IL1RAPL1: variants seen among roughly 807,000 people sequenced by gnomAD.
IL1RAPL1 encodes the protein interleukin-1 receptor accessory protein-like 1.
Under a neutral mutation model 48.4 loss-of-function variants are expected in IL1RAPL1, and 3 were observed. That is an observed-to-expected ratio of 0.06 (90% confidence interval 0.03 to 0.16). IL1RAPL1 has a LOEUF of 0.16. Among genes scored for constraint, IL1RAPL1 ranks in the 10% least tolerant of loss-of-function variants. IL1RAPL1 has a pLI of 1.00. For synonymous variants in IL1RAPL1, 185 were observed against 187.7 expected (o/e 0.99, Z 0.12); for missense variants, 349 against 530.6 (o/e 0.66, Z 3.36).
At chrX:29,906,338 AAAAC>A (rs200315435) in intron 6 of IL1RAPL1, among the ~76,000 whole-genome samples, 11 of 94,209 alleles carry the variant, frequency 1.2e-4, no homozygotes, top group South Asian at 1.0e-3. Context: ...CTGTCTCAAA[AAAAC>A]AAACAAACAA....
chrX:29,448,812 T>C (rs1934641486), intron 5 of IL1RAPL1, among the ~76,000 whole-genome samples: 1 of 111,652 alleles, frequency 9.0e-6, no homozygotes, highest in South Asian at 3.8e-4. Flanking sequence ...AGCTGGAAAG[T>C]CCAAGATCAA....
chrX:29,893,386 G>T (rs754480116), intron 6 of IL1RAPL1, among the ~76,000 whole-genome samples: 2 of 111,209 alleles, frequency 1.8e-5, no homozygotes, highest in South Asian at 7.6e-4. Flanking sequence ...GCAAATTGTT[G>T]ACTGGAGCAC....
At chrX:29,385,245 G>A (rs766745241) in intron 3 of IL1RAPL1, among the ~76,000 whole-genome samples, 35 of 111,719 alleles carry the variant, frequency 3.1e-4, no homozygotes, top group Non-Finnish European at 5.8e-4. Context: ...ACCTGAGGTC[G>A]GGAGTTCAAG....
intron 8 of IL1RAPL1, among the ~76,000 whole-genome samples, chrX:29,923,470 G>A (rs1401629695): frequency 8.9e-6 from 1 of 112,377 alleles, no homozygotes; most frequent in Non-Finnish European, 1.9e-5. Context: ...GTTTATGACT[G>A]CCCTGCTCCT....
chrX:28,951,673 T>G (rs2147355680), intron 2 of IL1RAPL1, among the ~76,000 whole-genome samples: 1 of 111,403 alleles, frequency 9.0e-6, no homozygotes, highest in East Asian at 2.8e-4. Context: ...ACTTTTATTT[T>G]ATCATTTACA....
intron 5 of IL1RAPL1, among the ~76,000 whole-genome samples, chrX:29,586,057 C>T (rs983997058): frequency 1.8e-5 from 2 of 109,415 alleles, no homozygotes; most frequent in Admixed American, 1.9e-4. Context: ...TTTAAGTAGT[C>T]CCTCTTGTTT....
At chrX:29,566,846 C>T (rs980796354) in intron 5 of IL1RAPL1, among the ~76,000 whole-genome samples, 9 of 111,330 alleles carry the variant, frequency 8.1e-5, no homozygotes, top group Non-Finnish European at 1.5e-4. Context: ...TTTTAAAAAA[C>T]AGTGCAGCAG....
chrX:29,104,191 T>C (rs760160744), intron 2 of IL1RAPL1, among the ~76,000 whole-genome samples: 4 of 112,463 alleles, frequency 3.6e-5, no homozygotes, highest in African/African-American at 1.3e-4. Flanking sequence ...ATTACTGCAC[T>C]ACTCACAATG....
At chrX:29,125,741 A>G (rs1053716108) in intron 2 of IL1RAPL1, among the ~76,000 whole-genome samples, 1 of 111,071 alleles carries the variant, frequency 9.0e-6, no homozygotes, top group Non-Finnish European at 1.9e-5. Context: ...TTTGACTGCC[A>G]TCATTTTGCT....
At chrX:28,687,795 A>AAAAT (rs1935129407) in intron 1 of IL1RAPL1, among the ~76,000 whole-genome samples, 2 of 103,147 alleles carry the variant, frequency 1.9e-5, no homozygotes, top group African/African-American at 3.6e-5. Context: ...AAAAAAAAAA[A>AAAAT]AAAATAAAAT....
chrX:29,104,435 A>G (rs1928407267), intron 2 of IL1RAPL1, among the ~76,000 whole-genome samples: 1 of 111,233 alleles, frequency 9.0e-6, no homozygotes, highest in Non-Finnish European at 1.9e-5. Flanking sequence ...AATTGAACTC[A>G]GGGAGATAGA....
intron 6 of IL1RAPL1, among the ~76,000 whole-genome samples, chrX:29,813,642 G>A (rs1930426399): frequency 9.0e-6 from 1 of 110,876 alleles, no homozygotes; most frequent in South Asian, 3.8e-4. Context: ...TGTTACATGG[G>A]AATACTGCAT....
chrX:29,581,631 G>T (rs1000811863), intron 5 of IL1RAPL1, among the ~76,000 whole-genome samples: 1 of 111,412 alleles, frequency 9.0e-6, no homozygotes, highest in Non-Finnish European at 1.9e-5. Context: ...AATCTTCCCT[G>T]GTATCCTGTA....
chrX:29,230,531 A>AAAAAAAAAAAAAAAAAAAAC, intron 2 of IL1RAPL1, among the ~76,000 whole-genome samples: 1 of 92,887 alleles, frequency 1.1e-5, no homozygotes, highest in African/African-American at 4.1e-5. Flanking sequence ...AAAAAAAAAA[A>AAAAAAAAAAAAAAAAAAAAC]AAAACCTTGT....
At chrX:29,463,037 C>T (rs1934820125) in intron 5 of IL1RAPL1, among the ~76,000 whole-genome samples, 1 of 111,651 alleles carries the variant, frequency 9.0e-6, no homozygotes, top group African/African-American at 3.3e-5. Context: ...ATTTGGCTAA[C>T]ATCGAAAATT....
intron 2 of IL1RAPL1, among the ~76,000 whole-genome samples, chrX:28,888,400 G>C (rs1381585847): frequency 1.8e-5 from 2 of 112,142 alleles, no homozygotes; most frequent in African/African-American, 6.5e-5. Context: ...TTAGCAGGTA[G>C]AAAAACTAAA....
chrX:29,821,845 A>G (rs991333581), intron 6 of IL1RAPL1, among the ~76,000 whole-genome samples: 6 of 112,369 alleles, frequency 5.3e-5, no homozygotes, highest in Non-Finnish European at 1.1e-4. Context: ...CTTTCTATTG[A>G]ATTTTAGTGA....
intron 2 of IL1RAPL1, among the ~76,000 whole-genome samples, chrX:29,046,091 A>T (rs2147420754): frequency 9.3e-6 from 1 of 107,765 alleles, no homozygotes; most frequent in Admixed American, 1.0e-4. Flanking sequence ...TCTGCCACTC[A>T]GGCTGGAGAG....
chrX:29,730,654 A>C (rs181575467), intron 6 of IL1RAPL1, among the ~76,000 whole-genome samples: 82 of 112,366 alleles, frequency 7.3e-4, no homozygotes, highest in African/African-American at 2.6e-3. Context: ...CTTCAGGGCC[A>C]AGAAAGTAGT....
Sources: allele counts gnomAD v4.1 joint callset (sites outside exome capture counted in the v4.1 genomes callset), GRCh38; gene constraint gnomAD v4.1.1; transcripts MANE v1.5; gene names NCBI Gene and HGNC (gene_info 2026-07-23, HGNC 2026-07-21).